ALOX5: variants seen among roughly 807,000 people sequenced by gnomAD.
ALOX5 encodes arachidonate 5-lipoxygenase, also known as polyunsaturated fatty acid 5-lipoxygenase.
ALOX5 carries 64 observed loss-of-function variants against 87.9 expected under a neutral mutation model. The observed-to-expected ratio is 0.73, with a 90% confidence interval of 0.60 to 0.90. ALOX5 has a LOEUF of 0.90. Ranked by LOEUF, ALOX5 falls within the 40% of genes least tolerant of loss-of-function variation. The pLI is 0.00. For synonymous variants in ALOX5, 388 were observed against 355.1 expected, an observed-to-expected ratio of 1.09 and a Z score of -1.04; for missense variants, 822 against 907.5, an observed-to-expected ratio of 0.91 and a Z score of 1.21.
chr10:45,395,147 A>G (rs1454903135), intron 2 of ALOX5, among the ~76,000 whole-genome samples: 1 of 152,222 alleles, frequency 6.6e-6, no homozygotes, highest in Non-Finnish European at 1.5e-5. Flanking sequence ...CTATAAAGAC[A>G]CATGCACACG....
intron 7 of ALOX5, among the ~76,000 whole-genome samples, chr10:45,429,873 G>C (rs1207024499): frequency 6.6e-6 from 1 of 152,072 alleles, no homozygotes; most frequent in East Asian, 1.9e-4. Context: ...CTAGGTAGTG[G>C]GCTCTATTGA....
intron 2 of ALOX5, among the ~76,000 whole-genome samples, chr10:45,391,809 C>T (rs1240668800): frequency 5.3e-5 from 8 of 151,488 alleles, no homozygotes; most frequent in African/African-American, 1.7e-4. Context: ...TGAGGAGACC[C>T]TCCGCCCGGC....
At chr10:45,384,988 T>A (rs1320637922) in intron 2 of ALOX5, among the ~76,000 whole-genome samples, 1 of 151,990 alleles carries the variant, frequency 6.6e-6, no homozygotes, top group Non-Finnish European at 1.5e-5. Context: ...GTTTACAGGC[T>A]CCAGGTAGCC....
In ALOX5 at chr10:45,443,058, T is replaced by C. The variant is rs769243207; in HGVS notation, c.1293T>C (p.Gly431=). 15 of 1,612,952 alleles carry C rather than the reference T, an allele frequency of 9.3e-6. No individual in the cohort carries two copies. Among genetic ancestry groups the C allele is most frequent in the African/African-American group, 1.3e-5 (1 of 74,886 alleles). ...LFDKANATGG[G]GHVQMVQRAM... ...TCCAGGCCAACGCCACAGGGGGCGG[T>C]GGGCACGTGCAGATGGTGCAGAGGG... Residue 431 remains glycine, a synonymous_variant, in exon 10 of 14, where the codon GGT becomes GGC. Transcript: ENST00000374391.
chr10:45,445,717 C>G lies in ALOX5; in HGVS notation c.*30C>G. ...ACTGCCAGTCTCACTGTGGGAAGGC[C>G]AGCTGCCCCAGCCAGATGGACTCCA... On this transcript the variant is annotated 3_prime_UTR_variant, in exon 14 of 14. Coordinates refer to ENST00000374391, the MANE Select transcript of ALOX5 (RefSeq NM_000698.5). The G allele has an allele frequency of 6.3e-7, 1 of 1,590,646 alleles. No individual in the cohort carries two copies. The highest frequency in any genetic ancestry group is 8.6e-7 in the Non-Finnish European group (1 of 1,162,718).
intron 4 of ALOX5, among the ~76,000 whole-genome samples, chr10:45,421,126 C>G: frequency 6.6e-6 from 1 of 152,214 alleles, no homozygotes; most frequent in African/African-American, 2.4e-5. Context: ...CTTCTTTTTA[C>G]AAAAGCGGGT....
At chr10:45,434,372 G>A (rs1035432718) in intron 7 of ALOX5, among the ~76,000 whole-genome samples, 3 of 152,240 alleles carry the variant, frequency 2.0e-5, no homozygotes, top group African/African-American at 7.2e-5. Flanking sequence ...GCACAAATGT[G>A]TGTGGGTAGC....
chr10:45,401,255 T>C (rs1009723638), intron 3 of ALOX5, among the ~76,000 whole-genome samples: 4 of 152,176 alleles, frequency 2.6e-5, no homozygotes, highest in African/African-American at 9.7e-5. Flanking sequence ...ACCTGGGCTG[T>C]GGAGGGGCCT....
Position 45,424,967 on chromosome 10 carries a change from C to T in ALOX5, c.669C>T (p.Val223=). The T allele has an allele frequency of 6.2e-7, 1 of 1,614,176 alleles. No homozygotes were observed. The highest frequency in any genetic ancestry group is 8.5e-7 in the Non-Finnish European group (1 of 1,180,014). The change falls in exon 6 of 14, where the codon GTC becomes GTT. Residue 223 remains valine (V), a synonymous_variant. Transcript: ENST00000374391. ...TCGCTTTTCTCCTGGTAGAGCGGGT[C>T]ATGAATCACTGGCAGGAAGACCTGA... ...VKISNTISER[V]MNHWQEDLMF...
intron 1 of ALOX5, among the ~76,000 whole-genome samples, chr10:45,380,095 C>T (rs1226007603): frequency 6.6e-6 from 1 of 152,246 alleles, no homozygotes; most frequent in Non-Finnish European, 1.5e-5. Context: ...AGACTCCTGT[C>T]CCATCAGAAC....
At chr10:45,378,090 C>T (rs1786850361) in intron 1 of ALOX5, among the ~76,000 whole-genome samples, 1 of 152,154 alleles carries the variant, frequency 6.6e-6, no homozygotes, top group South Asian at 2.1e-4. Context: ...CTCCCAGTTC[C>T]CCACATCTGA....
chr10:45,401,017 G>T (rs1197548306), intron 3 of ALOX5, among the ~76,000 whole-genome samples: 1 of 152,220 alleles, frequency 6.6e-6, no homozygotes, highest in African/African-American at 2.4e-5. Flanking sequence ...CTCTGGAAAT[G>T]GGTGGCTGAT....
At chr10:45,426,310 C>T (rs1413866900) in intron 6 of ALOX5, among the ~76,000 whole-genome samples, 1 of 152,246 alleles carries the variant, frequency 6.6e-6, no homozygotes, top group Admixed American at 6.5e-5. Flanking sequence ...ATCAGCCTCC[C>T]ACTGGGAGTC....
At chr10:45,391,114 C>T (rs1315963093) in intron 2 of ALOX5, among the ~76,000 whole-genome samples, 1 of 118,652 alleles carries the variant, frequency 8.4e-6, no homozygotes, top group Non-Finnish European at 1.8e-5. Context: ...CCCTCTCCCT[C>T]TCTTTCCACG....
In ALOX5 at chr10:45,443,476, G is replaced by A; in HGVS notation, c.1512G>A (p.Pro504=). The stretch of plus-strand genomic sequence containing the variant: ...GCGACCAGGTGGTGGAGGAGGACCC[G>A]GAGCTGCAGGACTTCGTGAACGATG... The part of the protein sequence containing the change: ...YEGDQVVEED[P]ELQDFVNDVY... Residue 504 remains proline (P), a synonymous_variant, in exon 11 of 14, where the codon CCG becomes CCA. Transcript: ENST00000374391. 2 of 1,613,060 alleles carry A rather than the reference G, an allele frequency of 1.2e-6. No individual in the cohort carries two copies. The highest frequency in any genetic ancestry group is 1.7e-6 in the Non-Finnish European group (2 of 1,179,526).
intron 4 of ALOX5, among the ~76,000 whole-genome samples, chr10:45,422,052 T>G (rs1841524069): frequency 1.3e-5 from 2 of 152,088 alleles, no homozygotes; most frequent in Admixed American, 1.3e-4. Flanking sequence ...AGAGAAGCAT[T>G]TGCTAAGCTA....
chr10:45,423,091 A>G (rs558929554), intron 4 of ALOX5, among the ~76,000 whole-genome samples: 1 of 152,222 alleles, frequency 6.6e-6, no homozygotes, highest in African/African-American at 2.4e-5. Flanking sequence ...ACTGGGGGTC[A>G]GGGCTTCAAC....
chr10:45,426,013 T>C (rs1193424486), intron 6 of ALOX5, among the ~76,000 whole-genome samples: 5 of 152,192 alleles, frequency 3.3e-5, no homozygotes, highest in Non-Finnish European at 7.4e-5. Context: ...GTGCAGGCAG[T>C]GTTTCCTAAC....
intron 6 of ALOX5, 181 bp from the exon 7 acceptor site, chr10:45,428,437 T>C: frequency 1.3e-6 from 1 of 748,206 alleles, no homozygotes; most frequent in Non-Finnish European, 2.1e-6. Flanking sequence ...TGCCACAACC[T>C]GTGAACACCT....
Sources: allele counts gnomAD v4.1 joint callset (sites outside exome capture counted in the v4.1 genomes callset), GRCh38; gene constraint gnomAD v4.1.1; transcripts MANE v1.5; gene names NCBI Gene and HGNC (gene_info 2026-07-23, HGNC 2026-07-21).